NCKAP5: variants seen among roughly 807,000 people sequenced by gnomAD.
NCKAP5 encodes nck-associated protein 5.
NCKAP5 carries 92 observed loss-of-function variants against 167.0 expected under a neutral mutation model. The observed-to-expected ratio is 0.55, with a 90% CI of 0.47 to 0.66. The LOEUF (loss-of-function observed/expected upper bound fraction) is 0.66, where lower values mean the gene tolerates loss of function less well. Ranked by LOEUF, NCKAP5 falls within the 30% of genes least tolerant of loss-of-function variation. The pLI, the probability that NCKAP5 is intolerant of heterozygous loss-of-function variation, is 0.00. For missense variants in NCKAP5, 2,378 were observed against 2,315.0 expected, an observed-to-expected ratio of 1.03 and a Z score of -0.56; for synonymous variants, 891 against 877.4, an observed-to-expected ratio of 1.02 and a Z score of -0.27.
At chr2:133,349,655 A>G (rs1364604460) in intron 3 of NCKAP5, among the ~76,000 whole-genome samples, 1 of 152,176 alleles carries the variant, frequency 6.6e-6, no homozygotes, top group East Asian at 1.9e-4. Flanking sequence ...CTTTGAAACC[A>G]TTAGGTTCAC....
chr2:132,862,429 A>G (rs568591638), intron 10 of NCKAP5, among the ~76,000 whole-genome samples: 2 of 152,324 alleles, frequency 1.3e-5, no homozygotes, highest in African/African-American at 4.8e-5. Flanking sequence ...AAGAAATGTC[A>G]TGTTCAGAAT....
chr2:133,069,420 G>A (rs2080311656), intron 6 of NCKAP5, among the ~76,000 whole-genome samples: 3 of 152,150 alleles, frequency 2.0e-5, no homozygotes, highest in African/African-American at 7.2e-5. Context: ...GAGATAGCAT[G>A]CTAAACTGTA....
intron 4 of NCKAP5, among the ~76,000 whole-genome samples, chr2:133,245,818 A>G (rs1425648731): frequency 1.3e-5 from 2 of 151,586 alleles, no homozygotes; most frequent in Admixed American, 6.6e-5. Context: ...TGAAACATTT[A>G]TAAGTATTGA....
chr2:133,477,965 C>T (rs1461486364), intron 3 of NCKAP5, among the ~76,000 whole-genome samples: 2 of 152,174 alleles, frequency 1.3e-5, no homozygotes, highest in Non-Finnish European at 2.9e-5. Context: ...TAGTAATTGA[C>T]ACTGCAGAAA....
intron 3 of NCKAP5, among the ~76,000 whole-genome samples, chr2:133,507,801 C>A (rs894591897): frequency 6.6e-6 from 1 of 152,022 alleles, no homozygotes; most frequent in African/African-American, 2.4e-5. Context: ...TAAAGTGAGC[C>A]AGAGGAATGG....
At chr2:132,879,049 C>A (rs1691546075) in intron 8 of NCKAP5, 133 bp from the exon 9 acceptor site, 5 of 703,792 alleles carry the variant, frequency 7.1e-6, no homozygotes, top group Non-Finnish European at 5.0e-6. Flanking sequence ...ATGACAAGTT[C>A]ACTCTAAGTA....
intron 11 of NCKAP5, among the ~76,000 whole-genome samples, chr2:132,821,145 C>A (rs987410077): frequency 2.6e-5 from 4 of 152,176 alleles, no homozygotes; most frequent in Admixed American, 6.5e-5. Context: ...AAAGAATTCA[C>A]AGATCCTTTG....
At chr2:133,403,975 C>A (rs982740807) in intron 3 of NCKAP5, among the ~76,000 whole-genome samples, 34 of 151,910 alleles carry the variant, frequency 2.2e-4, no homozygotes, top group African/African-American at 8.2e-4. Context: ...GAGCCTTGGC[C>A]CTTGCCCCTC....
intron 3 of NCKAP5, among the ~76,000 whole-genome samples, chr2:133,373,729 G>A (rs1685956874): frequency 6.6e-6 from 1 of 152,182 alleles, no homozygotes; most frequent in African/African-American, 2.4e-5. Flanking sequence ...CGATTAATGG[G>A]ACAGAATAGA....
chr2:133,064,560 G>A (rs1283113595), intron 6 of NCKAP5, among the ~76,000 whole-genome samples: 1 of 151,836 alleles, frequency 6.6e-6, no homozygotes, highest in Non-Finnish European at 1.5e-5. Flanking sequence ...GCATTTCAAA[G>A]AGAAGATAAA....
chr2:133,545,804 A>C (rs75973187), intron 2 of NCKAP5, among the ~76,000 whole-genome samples: 2,927 of 152,356 alleles, frequency 0.019, 106 homozygotes, highest in African/African-American at 0.067. Context: ...CTTATCTTTT[A>C]CAATGATAAA....
chr2:133,608,636 A>C, the NCKAP5 span, among the ~76,000 whole-genome samples: 1 of 152,122 alleles, frequency 6.6e-6, no homozygotes, highest in Non-Finnish European at 1.5e-5. Context: ...AACAATCCAA[A>C]CCTGACTGCC....
intron 5 of NCKAP5, among the ~76,000 whole-genome samples, chr2:133,170,152 A>G (rs1269709102): frequency 6.6e-6 from 1 of 152,176 alleles, no homozygotes; most frequent in African/African-American, 2.4e-5. Context: ...TTTAAAAGAG[A>G]TGATATTAGA....
At chr2:133,272,833 C>T (rs2089574728) in intron 4 of NCKAP5, among the ~76,000 whole-genome samples, 1 of 152,140 alleles carries the variant, frequency 6.6e-6, no homozygotes, top group African/African-American at 2.4e-5. Context: ...TGGCTTCTTT[C>T]CCTTAGCATA....
At chr2:133,084,230 T>G (rs2080907889) in intron 6 of NCKAP5, among the ~76,000 whole-genome samples, 1 of 152,132 alleles carries the variant, frequency 6.6e-6, no homozygotes, top group Non-Finnish European at 1.5e-5. Context: ...GAATGGGCCT[T>G]GAATGTCACA....
chr2:133,149,625 T>C (rs2149879376), intron 5 of NCKAP5, among the ~76,000 whole-genome samples: 1 of 152,330 alleles, frequency 6.6e-6, no homozygotes, highest in African/African-American at 2.4e-5. Context: ...ATTATCTCCC[T>C]GCTGAAATGG....
At chr2:132,810,670 ACTT>A (rs1399596424) in intron 11 of NCKAP5, among the ~76,000 whole-genome samples, 1 of 151,884 alleles carries the variant, frequency 6.6e-6, no homozygotes, top group Non-Finnish European at 1.5e-5. Flanking sequence ...TTCTCCATTC[ACTT>A]CTTGTATTAA....
At chr2:133,210,956 G>A (rs76203504) in intron 5 of NCKAP5, among the ~76,000 whole-genome samples, 7,740 of 151,744 alleles carry the variant, frequency 0.051, 630 homozygotes, top group African/African-American at 0.17. Flanking sequence ...TCAGGGATCC[G>A]TTGAGACCTT....
intron 8 of NCKAP5, among the ~76,000 whole-genome samples, chr2:132,962,772 T>C (rs2076555452): frequency 6.6e-6 from 1 of 152,144 alleles, no homozygotes; most frequent in South Asian, 2.1e-4. Flanking sequence ...TTTGTATTTT[T>C]AGTAGAGACG....
Sources: allele counts gnomAD v4.1 joint callset (sites outside exome capture counted in the v4.1 genomes callset), GRCh38; gene constraint gnomAD v4.1.1; transcripts MANE v1.5; gene names NCBI Gene and HGNC (gene_info 2026-07-23, HGNC 2026-07-21).